PRKG1: variants seen among roughly 807,000 people sequenced by gnomAD.
PRKG1 encodes protein kinase cGMP-dependent 1.
Under a neutral mutation model 88.1 loss-of-function variants are expected in PRKG1, and 35 were observed. The ratio of observed to expected loss-of-function variants is 0.40; its 90% CI spans 0.30 to 0.53. The LOEUF is 0.53. Ranked by LOEUF, PRKG1 falls within the 20% of genes least tolerant of loss-of-function variation. The pLI is 0.59. For missense variants in PRKG1, 540 were observed against 839.8 expected (o/e 0.64, Z 4.41); for synonymous variants, 303 against 292.5 (o/e 1.04, Z -0.37).
At chr10:51,766,809 AGGAGTTGAGTGT>A (rs933833455) in intron 3 of PRKG1, among the ~76,000 whole-genome samples, 15 of 152,200 alleles carry the variant, frequency 9.9e-5, no homozygotes, top group African/African-American at 3.6e-4. Context: ...GGGTGCGGGG[AGGAGTTGAGTGT>A]GGAAAAAATT....
intron 5 of PRKG1, among the ~76,000 whole-genome samples, chr10:52,033,569 C>T (rs1457394187): frequency 6.6e-6 from 1 of 152,130 alleles, no homozygotes; most frequent in Non-Finnish European, 1.5e-5. Context: ...CAGTTTTATG[C>T]AGGTTGAGCT....
intron 2 of PRKG1, among the ~76,000 whole-genome samples, chr10:51,182,481 A>T (rs1320625534): frequency 1.3e-5 from 2 of 152,162 alleles, no homozygotes; most frequent in Non-Finnish European, 2.9e-5. Context: ...CGTTTCAGCC[A>T]GGTCTGTTTG....
intron 1 of PRKG1, among the ~76,000 whole-genome samples, chr10:51,054,524 C>T (rs1480172888): frequency 6.6e-6 from 1 of 152,082 alleles, no homozygotes. Context: ...GCCTCTCATG[C>T]CCTTAAGAAT....
intron 3 of PRKG1, among the ~76,000 whole-genome samples, chr10:51,481,939 C>T (rs1261752042): frequency 6.6e-6 from 1 of 152,052 alleles, no homozygotes. Context: ...TATATATCAC[C>T]ATGATAATTT....
At chr10:51,516,220 G>A (rs562098251) in intron 3 of PRKG1, among the ~76,000 whole-genome samples, 4 of 152,170 alleles carry the variant, frequency 2.6e-5, no homozygotes, top group Middle Eastern at 6.8e-3. Flanking sequence ...AGGGAAGGTC[G>A]CTCTCCCCTG....
chr10:51,938,898 T>C (rs1330620189), intron 5 of PRKG1, among the ~76,000 whole-genome samples: 1 of 152,088 alleles, frequency 6.6e-6, no homozygotes, highest in Non-Finnish European at 1.5e-5. Flanking sequence ...AAAGATTAAA[T>C]AGAATATATT....
rs143881278 is a variant in PRKG1 at position 51,170,054 on chromosome 10, C to T, written c.478+16724C>T. ...CTCTTCTAAGAAGTCTGCTTTGACA[C>T]CTTCTGACTGGGCTGGACTGTTGTC... On this transcript the variant is annotated intron_variant, in intron 2 of 17. Transcript: ENST00000373980. 9.5e-4 allele frequency among the ~76,000 whole-genome samples: 145 copies of T among 152,094 alleles called. No individual in the cohort carries two copies. The Middle Eastern group carries it at 0.01, about 11-fold the overall frequency.
At chr10:51,570,022 C>G (rs1182023389) in intron 3 of PRKG1, among the ~76,000 whole-genome samples, 1 of 137,360 alleles carries the variant, frequency 7.3e-6, no homozygotes, top group Non-Finnish European at 1.5e-5. Flanking sequence ...AACTAAGACT[C>G]TAATTCTGAT....
At chr10:51,822,072 GAATA>G (rs1241614282) in intron 4 of PRKG1, among the ~76,000 whole-genome samples, 3 of 151,554 alleles carry the variant, frequency 2.0e-5, no homozygotes, top group Non-Finnish European at 2.9e-5. Flanking sequence ...CAAGATGAAT[GAATA>G]AAGAATATGT....
intron 10 of PRKG1, among the ~76,000 whole-genome samples, chr10:52,264,872 C>T (rs896054417): frequency 6.6e-6 from 1 of 151,970 alleles, no homozygotes; most frequent in African/African-American, 2.4e-5. Context: ...ACCCCCACCC[C>T]CGAAGAGAAT....
intron 7 of PRKG1, among the ~76,000 whole-genome samples, chr10:52,073,068 AGCTTT>A (rs1227618868): frequency 3.9e-5 from 6 of 152,116 alleles, no homozygotes; most frequent in African/African-American, 7.2e-5. Flanking sequence ...CCTCACTCCT[AGCTTT>A]TGGTGGTTCC....
At chr10:51,253,733 G>A (rs1057312100) in intron 2 of PRKG1, among the ~76,000 whole-genome samples, 1 of 152,006 alleles carries the variant, frequency 6.6e-6, no homozygotes, top group Non-Finnish European at 1.5e-5. Flanking sequence ...GTGCAGAGGA[G>A]GCCAGAACAT....
At chr10:51,830,560 G>GTTTT (rs531412645) in intron 4 of PRKG1, among the ~76,000 whole-genome samples, 7 of 83,644 alleles carry the variant, frequency 8.4e-5, no homozygotes, top group Non-Finnish European at 1.3e-4. Context: ...TTTTTTTTTT[G>GTTTT]TTTTTTTTTT....
chr10:51,937,638 A>G (rs1337743572), intron 5 of PRKG1, among the ~76,000 whole-genome samples: 2 of 152,052 alleles, frequency 1.3e-5, no homozygotes, highest in Admixed American at 1.3e-4. Flanking sequence ...ACTTCTTAGA[A>G]ATAATACTTT....
At chr10:51,386,232 G>C (rs1380387342) in intron 2 of PRKG1, among the ~76,000 whole-genome samples, 1 of 152,062 alleles carries the variant, frequency 6.6e-6, no homozygotes, top group Non-Finnish European at 1.5e-5. Context: ...TTTGTTCTAG[G>C]AAAATCAGGG....
chr10:51,066,034 T>A (rs1843745740), intron 1 of PRKG1, among the ~76,000 whole-genome samples: 1 of 151,972 alleles, frequency 6.6e-6, no homozygotes, highest in African/African-American at 2.4e-5. Flanking sequence ...GGGGAAGTGA[T>A]AGGGCTAGGA....
intron 2 of PRKG1, among the ~76,000 whole-genome samples, chr10:51,167,460 G>A (rs113972300): frequency 0.019 from 2,852 of 152,234 alleles, 44 homozygotes; most frequent in Middle Eastern, 0.051. Context: ...AAGAGATTTC[G>A]AGAGCATTAG....
intron 12 of PRKG1, among the ~76,000 whole-genome samples, chr10:52,279,030 C>T (rs1176081378): frequency 6.6e-6 from 1 of 151,992 alleles, no homozygotes; most frequent in Non-Finnish European, 1.5e-5. Flanking sequence ...TCATAGATAG[C>T]AGTGTAGCTA....
intron 2 of PRKG1, among the ~76,000 whole-genome samples, chr10:51,222,082 G>C (rs1214786252): frequency 6.6e-6 from 1 of 151,434 alleles, no homozygotes; most frequent in East Asian, 1.9e-4. Flanking sequence ...TCACCACTTT[G>C]GCCAGGCTGT....
Sources: gnomAD v4.1 joint callset for allele counts (sites outside exome capture counted in the v4.1 genomes callset) on GRCh38, gnomAD v4.1.1 for gene constraint, MANE v1.5 for transcripts, NCBI Gene and HGNC (gene_info 2026-07-23, HGNC 2026-07-21) for gene names.